The following IL12RB2 variants were observed in gnomAD, a reference collection of about 807,000 sequenced individuals.
The protein encoded by IL12RB2 is interleukin 12 receptor subunit beta 2, also known as interleukin-12 receptor subunit beta-2.
In IL12RB2, 82 loss-of-function variants were observed where a neutral mutation model predicts 89.4. The observed-to-expected ratio is 0.92, with a 90% CI of 0.77 to 1.10. IL12RB2 has a LOEUF of 1.10. Among genes scored for constraint, IL12RB2 ranks in the 50% least tolerant of loss-of-function variants. The pLI is 0.00. For synonymous variants in IL12RB2, 368 were observed against 370.1 expected, an observed-to-expected ratio of 0.99 and a Z score of 0.07; for missense variants, 963 against 1,031.9, an observed-to-expected ratio of 0.93 and a Z score of 0.92.
At chr1:67,384,263 C>T (rs995184293) in intron 14 of IL12RB2, among the ~76,000 whole-genome samples, 8 of 152,244 alleles carry the variant, frequency 5.3e-5, no homozygotes. Context: ...AACTCTTGAC[C>T]TCTGCACACC....
intron 2 of IL12RB2, among the ~76,000 whole-genome samples, chr1:67,314,836 C>G (rs1036886678): frequency 1.3e-5 from 2 of 150,604 alleles, no homozygotes; most frequent in Non-Finnish European, 3.0e-5. Context: ...CCGCCCACCC[C>G]ACCCCCATCC....
intron 2 of IL12RB2, among the ~76,000 whole-genome samples, chr1:67,318,668 G>A (rs1283882139): frequency 6.6e-6 from 1 of 152,132 alleles, no homozygotes; most frequent in African/African-American, 2.4e-5. Context: ...AGAAAAGGCT[G>A]AAGGAAGAAT....
intron 10 of IL12RB2, among the ~76,000 whole-genome samples, chr1:67,361,939 A>G (rs1052020888): frequency 3.3e-5 from 5 of 152,208 alleles, no homozygotes; most frequent in African/African-American, 1.2e-4. Context: ...AGAAAACTTT[A>G]TAAGACCAAA....
rs1450043755 is a variant in IL12RB2 at position 67,321,634 on chromosome 1, C to A, written c.109C>A (p.Pro37Thr). The change falls in exon 4 of 17, where the codon CCT becomes ACT. Residue 37 changes from proline (P) to threonine (T), a missense_variant. Coordinates refer to ENST00000674203, the MANE Select transcript of IL12RB2 (RefSeq NM_001374259.2). ...CAAGAGAGGCGATGTGACTGTGAAG[C>A]CTTCCCATGTAATTTTACTTGGATC... Reference protein sequence around the residue: ...ACKRGDVTVKPSHVILLGSTV... With the variant: ...ACKRGDVTVKTSHVILLGSTV... The A allele has an allele frequency of 2.5e-6, 4 of 1,605,492 alleles. No individual in the cohort carries two copies. The Admixed American group carries it at 5.0e-5, about 20-fold the overall frequency.
Position 67,329,715 on chromosome 1 carries a change from A to G in IL12RB2, c.793A>G (p.Arg265Gly). ...NRLRYRPSNSRLWNMVNVTKA... is the reference protein window; with the variant it reads ...NRLRYRPSNSGLWNMVNVTKA... Reference sequence around the variant, plus strand: ...ACTCAGATATCGGCCCAGTAACAGCAGGCTCTGGAATATGGTAATTATCTT... The same window carrying G: ...ACTCAGATATCGGCCCAGTAACAGCGGGCTCTGGAATATGGTAATTATCTT... The change falls in exon 7 of 17, where the codon AGG (arginine) becomes GGG (glycine). Residue 265 changes from arginine (R) to glycine (G), a missense_variant. Physicochemically the swap from Arg to Gly is moderately radical, Grantham distance 125. Transcript: ENST00000674203. The G allele has an allele frequency of 6.2e-7, 1 of 1,607,656 alleles. No individual in the cohort carries two copies. Among genetic ancestry groups the G allele is most frequent in the South Asian group, 1.1e-5 (1 of 90,954 alleles).
Position 67,309,940 on chromosome 1 carries a change from C to T in IL12RB2, c.-125+1973C>T, listed in dbSNP as rs527294541. 7.2e-5 allele frequency among the ~76,000 whole-genome samples: 11 copies of T among 152,030 alleles called. No individual in the cohort carries two copies. In the South Asian group the frequency reaches 2.3e-3, roughly 32 times the overall value. On this transcript the variant is annotated intron_variant, in intron 1 of 16. Coordinates refer to ENST00000674203, the MANE Select transcript of IL12RB2 (RefSeq NM_001374259.2). ...CTGTAATCCCAGCACTTTGGGAGGC[C>T]GAGGTGGGGGGATCACCTGAGGTCA...
chr1:67,390,111 A>T lies in IL12RB2; in HGVS notation c.2029A>T (p.Lys677Ter). 1 of 1,235,444 alleles carries T rather than the reference A, an allele frequency of 8.1e-7. No homozygotes were observed. Among genetic ancestry groups the T allele is most frequent in the Non-Finnish European group, 1.2e-6 (1 of 833,682 alleles). The allele number at this position is 1,235,444 out of a possible 1,614,324, so 76.5% of individuals were successfully genotyped here. A position where few individuals can be genotyped will look rare whatever the true frequency, so the allele number is the denominator to read the frequency against. ...PDPANSTCAK[K>*]YPIAEEKTQL... ...TCCAGCAAATAGCACTTGCGCTAAGAAATATCCCATTGCAGAGGTAAGGTA... is the reference window on the plus strand; with the variant it reads ...TCCAGCAAATAGCACTTGCGCTAAGTAATATCCCATTGCAGAGGTAAGGTA... Residue 677 changes from lysine to a stop codon, truncating the protein, a stop_gained, in exon 16 of 17, where the codon AAA becomes TAA. Coordinates refer to ENST00000674203, the MANE Select transcript of IL12RB2 (RefSeq NM_001374259.2). LOFTEE classifies it low-confidence loss of function (END_TRUNC).
chr1:67,395,671 C>T lies in IL12RB2; in HGVS notation c.2171C>T (p.Ser724Phe), dbSNP rs771507401. ...CCAGTTTTCAGACATCCCCCCTGCT[C>T]CAACTGGCCACAAAGGGAAAAAGGA... ...VTPVFRHPPC[S>F]NWPQREKGIQ... The change falls in exon 17 of 17, where the codon TCC becomes TTC. Residue 724 changes from serine (S) to phenylalanine (F), a missense_variant. Coordinates refer to ENST00000674203, the MANE Select transcript of IL12RB2 (RefSeq NM_001374259.2). The T allele has an allele frequency of 6.2e-7, 1 of 1,614,204 alleles. No homozygotes were observed. The highest frequency in any genetic ancestry group is 8.5e-7 in the Non-Finnish European group (1 of 1,180,038).
intron 9 of IL12RB2, among the ~76,000 whole-genome samples, chr1:67,342,760 C>T (rs990772603): frequency 2.5e-5 from 2 of 78,532 alleles, no homozygotes; most frequent in Non-Finnish European, 3.3e-5. Context: ...TAAAATCACA[C>T]CTTTTTTTTT....
intron 8 of IL12RB2, among the ~76,000 whole-genome samples, chr1:67,336,786 C>T (rs953585118): frequency 2.0e-5 from 3 of 152,166 alleles, no homozygotes; most frequent in African/African-American, 4.8e-5. Flanking sequence ...TGGGATAAAA[C>T]GGATTTGTGT....
At chr1:67,379,629 A>T (rs867063749) in intron 13 of IL12RB2, among the ~76,000 whole-genome samples, 5 of 152,018 alleles carry the variant, frequency 3.3e-5, no homozygotes, top group African/African-American at 9.7e-5. Flanking sequence ...ATCATTGGAA[A>T]TAAAGGGAGT....
chr1:67,390,433 C>CAAAAGAAG (rs1665681597), intron 16 of IL12RB2, among the ~76,000 whole-genome samples: 2 of 139,430 alleles, frequency 1.4e-5, no homozygotes, highest in Admixed American at 7.5e-5. Flanking sequence ...TAACTTATTT[C>CAAAAGAAG]AAAAGAAGAA....
chr1:67,370,835 T>G (rs773273991), intron 11 of IL12RB2, among the ~76,000 whole-genome samples: 2 of 152,102 alleles, frequency 1.3e-5, no homozygotes, highest in Non-Finnish European at 2.9e-5. Context: ...GAAAGGGAAA[T>G]GTCAACTGAA....
intron 10 of IL12RB2, among the ~76,000 whole-genome samples, chr1:67,364,327 G>A (rs1254294195): frequency 1.3e-5 from 2 of 152,156 alleles, no homozygotes; most frequent in Non-Finnish European, 2.9e-5. Context: ...GGGGGTGGAG[G>A]CTGCAGTAAG....
At chr1:67,361,554 TG>T (rs1662040986) in intron 10 of IL12RB2, among the ~76,000 whole-genome samples, 1 of 152,098 alleles carries the variant, frequency 6.6e-6, no homozygotes, top group Non-Finnish European at 1.5e-5. Context: ...TAGACATATC[TG>T]GGGGAGGAGT....
chr1:67,320,401 A>G lies in IL12RB2; in HGVS notation c.33A>G (p.Ala11=), dbSNP rs1656336443. 2.5e-6 allele frequency: 4 copies of G among 1,613,998 alleles called. No homozygotes were observed. Among genetic ancestry groups the G allele is most frequent in the Non-Finnish European group, 3.4e-6 (4 of 1,179,938 alleles). Residue 11 remains alanine, a synonymous_variant, in exon 3 of 17, where the codon GCA becomes GCG. Coordinates refer to ENST00000674203, the MANE Select transcript of IL12RB2 (RefSeq NM_001374259.2). ...ATACTTTTAGAGGATGCTCATTGGC[A>G]TTTATGTTTATAATCACGTGGCTGT... MAHTFRGCSL[A]FMFIITWLLI...
At chr1:67,394,984 G>A (rs1296577124) in intron 16 of IL12RB2, among the ~76,000 whole-genome samples, 1 of 152,064 alleles carries the variant, frequency 6.6e-6, no homozygotes, top group Admixed American at 6.6e-5. Context: ...CATTAGAAAC[G>A]GGGCTGGGCA....
chr1:67,316,697 T>C (rs1055913583), intron 2 of IL12RB2, among the ~76,000 whole-genome samples: 1 of 152,134 alleles, frequency 6.6e-6, no homozygotes, highest in Non-Finnish European at 1.5e-5. Flanking sequence ...CTTGGCAAGC[T>C]CGTTCCTCTG....
At chr1:67,334,127 C>T (rs528235145) in intron 8 of IL12RB2, among the ~76,000 whole-genome samples, 1 of 152,300 alleles carries the variant, frequency 6.6e-6, no homozygotes, top group African/African-American at 2.4e-5. Flanking sequence ...CTGCAGCCAC[C>T]TCTTCCCACA....
Sources: gnomAD v4.1 joint callset for allele counts (sites outside exome capture counted in the v4.1 genomes callset) on GRCh38, gnomAD v4.1.1 for gene constraint, MANE v1.5 for transcripts, NCBI Gene and HGNC (gene_info 2026-07-23, HGNC 2026-07-21) for gene names.